Variants in LOXL1 observed in about 807,000 individuals in gnomAD.
LOXL1 encodes lysyl oxidase like 1.
A neutral mutation model predicts 62.2 loss-of-function variants in LOXL1; 31 were observed. That is an observed-to-expected ratio of 0.50 (90% CI 0.37 to 0.67). The LOEUF is 0.67. LOXL1 is among the 30% of genes least tolerant of loss of function. The pLI is 0.00. For missense variants in LOXL1, 775 were observed against 843.4 expected, an observed-to-expected ratio of 0.92 and a Z score of 1.00; for synonymous variants, 403 against 384.4, an observed-to-expected ratio of 1.05 and a Z score of -0.56.
At position 73,928,299 on chromosome 15, in the gene LOXL1, G is replaced by C. The variant is rs572318194; in HGVS notation, c.1102+414G>C. Reference sequence around the variant, plus strand: ...AGAGATGTTCTATGCCAGCTCACAGGGTGAGGCAAGGAGCATCAGAAACCT... The same window carrying C: ...AGAGATGTTCTATGCCAGCTCACAGCGTGAGGCAAGGAGCATCAGAAACCT... On this transcript the variant is annotated intron_variant, in intron 1 of 6. Transcript: ENST00000261921. The C allele has an allele frequency of 9.6e-5, 16 of 165,996 alleles. No homozygotes were observed. In the East Asian group the frequency reaches 2.7e-3, roughly 28 times the overall value. 10.3% of individuals were successfully genotyped at this position (165,996 alleles called of 1,614,324 possible).
rs1281675630 is a variant in LOXL1, at chr15:73,926,471, G to A, written c.-313G>A. 2.7e-5 allele frequency: 8 copies of A among 295,352 alleles called. No individual in the cohort carries two copies. Among genetic ancestry groups the A allele is most frequent in the Non-Finnish European group, 4.4e-5 (7 of 160,350 alleles). The allele number at this position is 295,352 out of a possible 1,614,324, so 18.3% of individuals were successfully genotyped here. A position where few individuals can be genotyped will look rare whatever the true frequency, so the allele number is the denominator to read the frequency against. ...AGCCTGTTGCTTATTCATTCAGAGT[G>A]GGAAAGCGCCAGCCGAGCGGCCAGC... is the stretch of plus-strand genomic sequence containing the variant. On this transcript the variant is annotated 5_prime_UTR_variant, in exon 1 of 7. Coordinates refer to ENST00000261921, the MANE Select transcript of LOXL1 (RefSeq NM_005576.4).
Position 73,942,943 on chromosome 15 carries a change from G to C in LOXL1, c.1192G>C (p.Glu398Gln), listed in dbSNP as rs752785626. 6.2e-7 allele frequency: 1 copy of C among 1,613,714 alleles called. No homozygotes were observed. Residue 398 changes from glutamate (E) to glutamine (Q), a missense_variant, in exon 2 of 7, where the codon GAG (glutamate) becomes CAG (glutamine). Glu to Gln is a conservative substitution (Grantham distance 29, BLOSUM62 2). Transcript: ENST00000261921. ...CCTGTACTCCCTGCGCTGTGCTGCG[G>C]AGGAGAAGTGTCTGGCCAGGTAAGG... is the stretch of plus-strand genomic sequence containing the variant. ...AHLYSLRCAA[E>Q]EKCLASTAYA...
In LOXL1 at chr15:73,951,937, C is replaced by T; in HGVS notation, c.*100C>T. 1 of 1,157,952 alleles carries T rather than the reference C, an allele frequency of 8.6e-7. No individual in the cohort carries two copies. Among genetic ancestry groups the T allele is most frequent in the South Asian group, 2.4e-5 (1 of 41,868 alleles). 71.7% of individuals were successfully genotyped at this position (1,157,952 alleles called of 1,614,324 possible). ...GGGCCCAGCCCCCAACCCACAGGCA[C>T]GGAGGGGCATCCCTCCCTGCCGGCC... On this transcript the variant is annotated 3_prime_UTR_variant, in exon 7 of 7. Coordinates refer to ENST00000261921, the MANE Select transcript of LOXL1 (RefSeq NM_005576.4).
Position 73,946,411 on chromosome 15 carries a change from C to G in LOXL1, c.1212-6C>G. On this transcript the variant is annotated splice_region_variant and splice_polypyrimidine_tract_variant and intron_variant, in intron 2 of 6. Coordinates refer to ENST00000261921, the MANE Select transcript of LOXL1 (RefSeq NM_005576.4). ...CCCCCCCTCATCTCCCCCGCCGTCC[C>G]TGCAGCACAGCCTATGCCCCTGAGG... is the stretch of plus-strand genomic sequence containing the variant. The G allele has an allele frequency of 6.2e-7, 1 of 1,610,038 alleles. No individual in the cohort carries two copies. Among genetic ancestry groups the G allele is most frequent in the Non-Finnish European group, 8.5e-7 (1 of 1,177,852 alleles).
Position 73,926,954 on chromosome 15 carries a change from G to A in LOXL1, c.171G>A (p.Ser57=), listed in dbSNP as rs1158993557. 2 of 1,552,222 alleles carry A rather than the reference G, an allele frequency of 1.3e-6. No homozygotes were observed. The highest frequency in any genetic ancestry group is 1.4e-5 in the African/African-American group (1 of 71,876). Residue 57 remains serine, a synonymous_variant, in exon 1 of 7, where the codon TCG becomes TCA. Coordinates refer to ENST00000261921, the MANE Select transcript of LOXL1 (RefSeq NM_005576.4). ...GGCAGGTGTACAGCTTGCTCAACTC[G>A]GGCTCAGAGTACGTGCCGGCCGGAC... ...NNGQVYSLLN[S]GSEYVPAGPQ...
chr15:73,946,836 G>A (rs1239865995), intron 3 of LOXL1, among the ~76,000 whole-genome samples: 1 of 152,250 alleles, frequency 6.6e-6, no homozygotes, highest in Non-Finnish European at 1.5e-5. Flanking sequence ...ATTACAGGTG[G>A]GAGCCCAAAA....
chr15:73,938,108 G>A (rs1399784015), intron 1 of LOXL1, among the ~76,000 whole-genome samples: 1 of 152,058 alleles, frequency 6.6e-6, no homozygotes, highest in Non-Finnish European at 1.5e-5. Flanking sequence ...CCAACATGGT[G>A]AAACCCCATC....
chr15:73,928,012 G>A, intron 1 of LOXL1, 127 bp downstream of exon 1: 2 of 883,980 alleles, frequency 2.3e-6, no homozygotes, highest in Non-Finnish European at 3.0e-6. Context: ...ACGGAGCAGC[G>A]CCCCCTCCCG....
chr15:73,941,451 C>A (rs2068713054), intron 1 of LOXL1, among the ~76,000 whole-genome samples: 1 of 152,196 alleles, frequency 6.6e-6, no homozygotes. Context: ...CAGCCTTCCC[C>A]TCCTTGGCCT....
In LOXL1 at chr15:73,926,728, CA is replaced by C. The variant is rs2068579869; in HGVS notation, c.-55del. The C allele has an allele frequency of 7.4e-7, 1 of 1,350,254 alleles. No homozygotes were observed. 83.6% of individuals were successfully genotyped at this position (1,350,254 alleles called of 1,614,324 possible). ...GAGGCCGTGGGAAGAGAAGCACGCCCAGGGGGCCACTCCTGAGAGCCTCTCT... is the reference window on the plus strand; with the variant it reads ...GAGGCCGTGGGAAGAGAAGCACGCCCGGGGGCCACTCCTGAGAGCCTCTCT... On this transcript the variant is annotated 5_prime_UTR_variant, in exon 1 of 7. It introduces an in-frame stop codon into an upstream open reading frame of the 5' UTR. Coordinates refer to ENST00000261921, the MANE Select transcript of LOXL1 (RefSeq NM_005576.4).
Position 73,952,005 on chromosome 15 carries a change from C to G in LOXL1, c.*168C>G. The G allele has an allele frequency of 2.3e-6, 1 of 442,188 alleles. No individual in the cohort carries two copies. The highest frequency in any genetic ancestry group is 3.9e-6 in the Non-Finnish European group (1 of 254,272). 27.4% of individuals were successfully genotyped at this position (442,188 alleles called of 1,614,324 possible). A position where few individuals can be genotyped will look rare whatever the true frequency, so the allele number is the denominator to read the frequency against. On this transcript the variant is annotated 3_prime_UTR_variant, in exon 7 of 7. Coordinates refer to ENST00000261921, the MANE Select transcript of LOXL1 (RefSeq NM_005576.4). ...ATGAAAACCACAGGGATTCCGGACG[C>G]CAGACCCCATTTTATACTTCACTTT... is the stretch of plus-strand genomic sequence containing the variant.
At chr15:73,951,287 G>T (rs149392073) in intron 6 of LOXL1, among the ~76,000 whole-genome samples, 19 of 152,284 alleles carry the variant, frequency 1.2e-4, no homozygotes, top group Non-Finnish European at 2.5e-4. Context: ...CTCCCCGGGG[G>T]CCTGTGGGCA....
chr15:73,952,106 G>C lies in LOXL1; in HGVS notation c.*269G>C. 2.7e-6 allele frequency: 1 copy of C among 376,830 alleles called. No homozygotes were observed. Among genetic ancestry groups the C allele is most frequent in the Non-Finnish European group, 4.7e-6 (1 of 211,986 alleles). The allele number at this position is 376,830 out of a possible 1,614,324, so 23.3% of individuals were successfully genotyped here. On this transcript the variant is annotated 3_prime_UTR_variant, in exon 7 of 7. Coordinates refer to ENST00000261921, the MANE Select transcript of LOXL1 (RefSeq NM_005576.4). Reference sequence around the variant, plus strand: ...CCATACCACAGAGCTAGATTGCCCAGGTCTGGGCTGAATAAAACAAGGTTT... The same window carrying C: ...CCATACCACAGAGCTAGATTGCCCACGTCTGGGCTGAATAAAACAAGGTTT...
intron 1 of LOXL1, among the ~76,000 whole-genome samples, chr15:73,937,534 C>T (rs976769645): frequency 2.0e-5 from 3 of 152,246 alleles, no homozygotes; most frequent in African/African-American, 7.2e-5. Flanking sequence ...TCCCTGCCAT[C>T]CTGGCCCAGG....
chr15:73,929,794 G>C (rs377356161), intron 1 of LOXL1, among the ~76,000 whole-genome samples: 11 of 152,368 alleles, frequency 7.2e-5, no homozygotes, highest in African/African-American at 2.2e-4. Flanking sequence ...CAAGACCTCA[G>C]CATGAGGCTC....
At position 73,927,770 on chromosome 15, in the gene LOXL1, G is replaced by A; in HGVS notation, c.987G>A (p.Pro329=). 5 of 1,434,538 alleles carry A rather than the reference G, an allele frequency of 3.5e-6. No homozygotes were observed. Among genetic ancestry groups the A allele is most frequent in the Non-Finnish European group, 4.5e-6 (5 of 1,100,314 alleles). 88.9% of individuals were successfully genotyped at this position (1,434,538 alleles called of 1,614,324 possible). The part of the protein sequence containing the change: ...EAYGPPRALE[P]PYLPVRSSDT... The stretch of plus-strand genomic sequence containing the variant: ...ACGGGCCGCCGCGCGCGCTGGAGCC[G>A]CCCTACCTGCCGGTGCGCAGCTCCG... Residue 329 remains proline (P), a synonymous_variant, in exon 1 of 7, where the codon CCG becomes CCA. Transcript: ENST00000261921.
At chr15:73,934,124 T>A (rs2068654017) in intron 1 of LOXL1, among the ~76,000 whole-genome samples, 1 of 152,160 alleles carries the variant, frequency 6.6e-6, no homozygotes, top group Non-Finnish European at 1.5e-5. Flanking sequence ...AGACAACCCA[T>A]CCTTCCCCCT....
In LOXL1 at chr15:73,945,098, G is replaced by T. The variant is rs1452475865; in HGVS notation, c.1212-1319G>T. ...TGTGTGTGCATGTGTGTGTATGTGT[G>T]CATGTGTGTGTGTCTCCCCTCACTG... On this transcript the variant is annotated intron_variant, in intron 2 of 6. Transcript: ENST00000261921. This position sits in a 1 kb window ranked among gnomAD's most constrained non-coding sequence, Gnocchi z 4.3. 1.3e-5 allele frequency among the ~76,000 whole-genome samples: 2 copies of T among 152,186 alleles called. No homozygotes were observed. The highest frequency in any genetic ancestry group is 2.1e-4 in the South Asian group (1 of 4,824).
intron 1 of LOXL1, 33 bp from the exon 2 acceptor site, chr15:73,942,817 TCCTC>T: frequency 7.7e-7 from 1 of 1,302,494 alleles, no homozygotes; most frequent in Non-Finnish European, 1.1e-6. Flanking sequence ...GTCATGCTCT[TCCTC>T]CCTCCCCCCT....
Sources: allele counts gnomAD v4.1 joint callset (sites outside exome capture counted in the v4.1 genomes callset), GRCh38; gene constraint gnomAD v4.1.1; non-coding constraint Gnocchi (gnomAD v3.1); transcripts MANE v1.5; gene names NCBI Gene and HGNC (gene_info 2026-07-23, HGNC 2026-07-21).